The following LTN1 variants were observed in gnomAD, a reference collection of about 807,000 sequenced individuals.
The protein encoded by LTN1 is listerin E3 ubiquitin protein ligase 1, also known as E3 ubiquitin-protein ligase listerin.
In LTN1, 88 loss-of-function variants were observed where a neutral mutation model predicts 201.2. The ratio of observed to expected loss-of-function variants is 0.44; its 90% CI spans 0.37 to 0.52. LTN1 has a LOEUF of 0.52. Ranked by LOEUF, LTN1 falls within the 20% of genes least tolerant of loss-of-function variation. The pLI is 0.00. For synonymous variants in LTN1, 645 were observed against 713.5 expected (o/e 0.90, Z 1.53); for missense variants, 1,752 against 2,038.7 (o/e 0.86, Z 2.71).
At chr21:28,976,905 C>G (rs956990355) in intron 6 of LTN1, among the ~76,000 whole-genome samples, 7 of 152,026 alleles carry the variant, frequency 4.6e-5, no homozygotes, top group Non-Finnish European at 2.9e-5. Context: ...TACTAGCACT[C>G]CCCACTGTGT....
rs776836005 is a variant in LTN1, at chr21:28,981,234, A to G, written c.695T>C (p.Leu232Ser). The change falls in exon 6 of 30, where the codon TTA becomes TCA. Residue 232 changes from leucine (L) to serine (S), a missense_variant. By Grantham distance (145) the Leu-to-Ser change is moderately radical. Coordinates refer to ENST00000361371, the MANE Select transcript of LTN1 (RefSeq NM_015565.3). ...AGGTAAAAGGCAAAGTAATCTCTTT[A>G]ATGCCAATAAGGAACAAGTTACAAC... ...YRVVTCSLLA[L>S]KRLLCLLPDN... is the part of the protein sequence containing the mutation. 3 of 1,597,232 alleles carry G rather than the reference A, an allele frequency of 1.9e-6. No homozygotes were observed. In the African/African-American group the frequency reaches 4.0e-5, roughly 22 times the overall value.
At chr21:28,941,483 C>T in intron 24 of LTN1, 77 bp from the exon 25 acceptor site, 6 of 1,205,026 alleles carry the variant, frequency 5.0e-6, no homozygotes. Context: ...TTGTAAACTT[C>T]AAGCATTTTA....
intron 18 of LTN1, among the ~76,000 whole-genome samples, chr21:28,951,684 G>T (rs1199649330): frequency 6.6e-6 from 1 of 152,080 alleles, no homozygotes; most frequent in East Asian, 1.9e-4. Flanking sequence ...TTAAAAAAAA[G>T]GTGTCGGCCA....
rs1466481588 is a variant in LTN1, at chr21:28,944,616, G to A, written c.3769-20C>T. The A allele has an allele frequency of 6.5e-7, 1 of 1,549,612 alleles. No individual in the cohort carries two copies. Reference sequence around the variant, plus strand: ...TGTTGTCTGAAAAAACAATAAAAATGAAATAGGTAAACAGACTTCTACCAG... The same window carrying A: ...TGTTGTCTGAAAAAACAATAAAAATAAAATAGGTAAACAGACTTCTACCAG... On this transcript the variant is annotated intron_variant, in intron 21 of 29. Transcript: ENST00000361371.
rs761310698 is a variant in LTN1, at chr21:28,960,573, T to C, written c.2297A>G (p.His766Arg). 1.5e-5 allele frequency: 24 copies of C among 1,612,864 alleles called. No individual in the cohort carries two copies. The highest frequency in any genetic ancestry group is 4.5e-5 in the East Asian group (2 of 44,856). ...DLESRVSSES[H>R]FSERWTLLSL... is the part of the protein sequence containing the mutation. Reference sequence around the variant, plus strand: ...TAGAAGAGTCCATCTTTCTGAGAAGTGAGATTCTGAAGATACCCTGGATTC... The same window carrying C: ...TAGAAGAGTCCATCTTTCTGAGAAGCGAGATTCTGAAGATACCCTGGATTC... The change falls in exon 12 of 30, where the codon CAC (histidine) becomes CGC (arginine). Residue 766 changes from histidine to arginine, a missense_variant. Physicochemically the swap from His to Arg is conservative, Grantham distance 29 (BLOSUM62 0). Coordinates refer to ENST00000361371, the MANE Select transcript of LTN1 (RefSeq NM_015565.3).
chr21:28,976,536 G>A (rs539415535), intron 6 of LTN1, among the ~76,000 whole-genome samples: 2 of 150,740 alleles, frequency 1.3e-5, no homozygotes, highest in Admixed American at 6.6e-5. Context: ...AGAGGCAGAG[G>A]TTGCAGTGAG....
intron 1 of LTN1, among the ~76,000 whole-genome samples, chr21:28,990,358 C>T (rs535758616): frequency 1.3e-5 from 2 of 152,290 alleles, no homozygotes; most frequent in Admixed American, 1.3e-4. Context: ...CTTAGGCAAG[C>T]TAATTTCTCT....
chr21:28,944,620 T>A (rs945886853), intron 21 of LTN1, 24 bp from the exon 22 acceptor site: 1 of 1,516,914 alleles, frequency 6.6e-7, no homozygotes, highest in East Asian at 2.3e-5. Context: ...AAAAATGAAA[T>A]AGGTAAACAG....
At chr21:28,960,924 C>A in intron 11 of LTN1, 2 of 351,696 alleles carry the variant, frequency 5.7e-6, no homozygotes, top group Non-Finnish European at 1.0e-5. Flanking sequence ...CCTTCCCAGC[C>A]ATAAATATTC....
At chr21:28,939,671 A>C (rs1459825370) in intron 25 of LTN1, among the ~76,000 whole-genome samples, 2 of 152,172 alleles carry the variant, frequency 1.3e-5, no homozygotes, top group Non-Finnish European at 2.9e-5. Flanking sequence ...ACCCTAACCC[A>C]ATCCCAGCTT....
intron 1 of LTN1, among the ~76,000 whole-genome samples, chr21:28,991,524 A>C (rs140923371): frequency 2.0e-5 from 3 of 152,350 alleles, no homozygotes; most frequent in Admixed American, 6.5e-5. Flanking sequence ...TCAGAAAAAT[A>C]CATAAATTAA....
At chr21:28,967,354 C>A (rs908603161) in intron 9 of LTN1, among the ~76,000 whole-genome samples, 175 bp from the exon 10 acceptor site, 1 of 152,038 alleles carries the variant, frequency 6.6e-6, no homozygotes, top group African/African-American at 2.4e-5. Flanking sequence ...ACCAGAAAGA[C>A]CAAGGCAGGA....
chr21:28,955,922 CAAAAAAAAAAAAA>C (rs772350234), intron 16 of LTN1, among the ~76,000 whole-genome samples: 2 of 69,620 alleles, frequency 2.9e-5, no homozygotes, highest in Admixed American at 3.6e-4. Context: ...GACTCTGTCT[CAAAAAAAAAAAAA>C]AAAAAAAAAG....
At chr21:28,961,007 T>A (rs2084474601) in intron 11 of LTN1, among the ~76,000 whole-genome samples, 1 of 146,530 alleles carries the variant, frequency 6.8e-6, no homozygotes, top group African/African-American at 2.5e-5. Flanking sequence ...TCCCACCTAC[T>A]TTATGGAGTC....
rs773240195 is a variant in LTN1, at chr21:28,935,281, T to A, written c.4703A>T (p.Tyr1568Phe). ...AGGCAAGTCTTTTAATGTCATATGA[T>A]AGACTGAACAAGCCAAGTGTGGAAT... ...YHIPHLACSV[Y>F]HMTLKDLPAM... The change falls in exon 27 of 30, where the codon TAT becomes TTT. Residue 1568 changes from tyrosine (Y) to phenylalanine (F), a missense_variant. Transcript: ENST00000361371. The A allele has an allele frequency of 1.2e-6, 2 of 1,614,116 alleles. No homozygotes were observed. The highest frequency in any genetic ancestry group is 3.3e-5 in the Admixed American group (2 of 60,024).
intron 9 of LTN1, 127 bp from the exon 10 acceptor site, chr21:28,967,306 T>C (rs571314367): frequency 7.3e-6 from 5 of 687,340 alleles, no homozygotes; most frequent in Non-Finnish European, 4.8e-6. Flanking sequence ...GGTTGATTGA[T>C]GGCTGGCAGC....
Position 28,959,491 on chromosome 21 carries a change from A to T in LTN1, c.2560T>A (p.Cys854Ser), listed in dbSNP as rs780481832. 5 of 1,614,012 alleles carry T rather than the reference A, an allele frequency of 3.1e-6. No homozygotes were observed. In the South Asian group the frequency reaches 5.5e-5, roughly 18 times the overall value. Residue 854 changes from cysteine to serine, a missense_variant, in exon 13 of 30, where the codon TGT becomes AGT. Cys to Ser is a moderately radical substitution (Grantham distance 112). Coordinates refer to ENST00000361371, the MANE Select transcript of LTN1 (RefSeq NM_015565.3). ...TGTGTTTTTTCTTTGCTCTGAGCAC[A>T]TAACTGAAAGAGAGTTAATAATAAA... ...EDLLLTLFQL[C>S]AQSKEKTHLP...
At chr21:28,980,219 G>T (rs915136571) in intron 6 of LTN1, among the ~76,000 whole-genome samples, 2 of 151,900 alleles carry the variant, frequency 1.3e-5, no homozygotes, top group African/African-American at 4.8e-5. Flanking sequence ...GCTGTCTATT[G>T]TATCTAGGCA....
Position 28,953,304 on chromosome 21 carries a change from C to A in LTN1, c.3152G>T (p.Cys1051Phe), listed in dbSNP as rs1234882435. 1 of 1,607,926 alleles carries A rather than the reference C, an allele frequency of 6.2e-7. No homozygotes were observed. The highest frequency in any genetic ancestry group is 1.1e-5 in the South Asian group (1 of 90,074). The change falls in exon 17 of 30, where the codon TGT becomes TTT. Residue 1051 changes from cysteine (C) to phenylalanine (F), a missense_variant. Cys to Phe is a radical substitution (Grantham distance 205). Transcript: ENST00000361371. ...AATATTCATTTTTTGAAGTATTTCA[C>A]AAAATCCAATTAGAAAAATAGGTGG... Reference protein sequence around the residue: ...DNPPIFLIGFCEILQKMNITY... With the variant: ...DNPPIFLIGFFEILQKMNITY...
Sources: gnomAD v4.1 joint callset for allele counts (sites outside exome capture counted in the v4.1 genomes callset) on GRCh38, gnomAD v4.1.1 for gene constraint, MANE v1.5 for transcripts, NCBI Gene and HGNC (gene_info 2026-07-23, HGNC 2026-07-21) for gene names.